ATR: variants seen among roughly 807,000 people sequenced by gnomAD.
The protein encoded by ATR is serine/threonine-protein kinase ATR.
ATR carries 142 observed loss-of-function variants against 305.3 expected under a neutral mutation model. The ratio of observed to expected loss-of-function variants is 0.47; its 90% CI spans 0.41 to 0.53. The LOEUF (loss-of-function observed/expected upper bound fraction) is 0.53, where lower values mean the gene tolerates loss of function less well. Ranked by LOEUF, ATR falls within the 20% of genes least tolerant of loss-of-function variation. ATR has a pLI of 0.00. For missense variants in ATR, 2,135 were observed against 3,133.1 expected (o/e 0.68, Z 7.60); for synonymous variants, 1,050 against 1,068.1 (o/e 0.98, Z 0.33).
At chr3:142,511,702 A>G (rs1463221943) in intron 27 of ATR, among the ~76,000 whole-genome samples, 1 of 152,106 alleles carries the variant, frequency 6.6e-6, no homozygotes, top group Non-Finnish European at 1.5e-5. Flanking sequence ...CCCATTTTAT[A>G]CAAAGAAAAA....
At chr3:142,508,750 C>T (rs955623382) in intron 27 of ATR, among the ~76,000 whole-genome samples, 7 of 151,742 alleles carry the variant, frequency 4.6e-5, no homozygotes, top group Admixed American at 1.3e-4. Context: ...GGTGAAACCC[C>T]GTCTCTACTA....
rs76265760 is a variant in ATR, at chr3:142,545,510, C to G, written c.3357+2215G>C. Among the ~76,000 whole-genome samples the G allele has an allele frequency of 7.2e-3, 1,101 of 152,176 alleles. 34 individuals are homozygous for G. The highest frequency in any genetic ancestry group is 0.051 in the East Asian group (262 of 5,178). On this transcript the variant is annotated intron_variant, in intron 16 of 46. Transcript: ENST00000350721. ...TGTGAGAGTAGAAAGGTAGGCAGAT[C>G]ATGTATGCCTTACAGATTTTATTTT...
chr3:142,530,909 T>C (rs1261704908), intron 21 of ATR, among the ~76,000 whole-genome samples: 1 of 152,224 alleles, frequency 6.6e-6, no homozygotes, highest in Non-Finnish European at 1.5e-5. Flanking sequence ...CTTAAGAGTA[T>C]GACTCTCTTT....
intron 16 of ATR, among the ~76,000 whole-genome samples, chr3:142,543,134 C>T (rs2034117518): frequency 6.6e-6 from 1 of 152,060 alleles, no homozygotes; most frequent in African/African-American, 2.4e-5. Flanking sequence ...AGGGACTGCC[C>T]TTATTCTATG....
chr3:142,530,760 C>A (rs2033607099), intron 21 of ATR, among the ~76,000 whole-genome samples: 1 of 151,844 alleles, frequency 6.6e-6, no homozygotes, highest in Non-Finnish European at 1.5e-5. Context: ...CTGAAGAGTG[C>A]CTCTCCTCTC....
intron 36 of ATR, among the ~76,000 whole-genome samples, chr3:142,478,022 G>C (rs1341280346): frequency 1.3e-5 from 2 of 151,820 alleles, no homozygotes; most frequent in African/African-American, 4.8e-5. Flanking sequence ...CAATTTTGTT[G>C]ATCTTTTCCA....
At chr3:142,540,400 T>C (rs566845852) in intron 18 of ATR, among the ~76,000 whole-genome samples, 1 of 152,278 alleles carries the variant, frequency 6.6e-6, no homozygotes, top group Non-Finnish European at 1.5e-5. Flanking sequence ...CAACATAATA[T>C]ATACAATGTC....
intron 3 of ATR, among the ~76,000 whole-genome samples, chr3:142,563,863 C>G (rs1336362774): frequency 6.6e-6 from 1 of 152,122 alleles, no homozygotes; most frequent in African/African-American, 2.4e-5. Context: ...CCACTGAACG[C>G]ACCATTGATG....
At chr3:142,516,984 A>AACAT (rs1553762994) in intron 24 of ATR, among the ~76,000 whole-genome samples, 1 of 139,130 alleles carries the variant, frequency 7.2e-6, no homozygotes, top group East Asian at 2.0e-4. Context: ...ATACCCAAAT[A>AACAT]ATATATATAT....
At position 142,451,085 on chromosome 3, in the gene ATR, A is replaced by G. The variant is rs532383040; in HGVS notation, c.7762-1483T>C. ...GGAAAATGGCCTGGCTGGTTTGTCT[A>G]CCTGGTCAATTGTGAAACAGCCCCT... On this transcript the variant is annotated intron_variant, in intron 46 of 46. Coordinates refer to ENST00000350721, the MANE Select transcript of ATR (RefSeq NM_001184.4). The G allele has an allele frequency of 2.3e-6, 3 of 1,279,758 alleles. No individual in the cohort carries two copies. The South Asian group carries it at 4.1e-5, about 18-fold the overall frequency. 79.3% of individuals were successfully genotyped at this position (1,279,758 alleles called of 1,614,324 possible). A position where few individuals can be genotyped will look rare whatever the true frequency, so the allele number is the denominator to read the frequency against.
At chr3:142,451,461 G>C (rs748430040) in intron 46 of ATR, 53 of 1,494,718 alleles carry the variant, frequency 3.5e-5, no homozygotes, top group Non-Finnish European at 4.7e-5. Context: ...AGGAGACTTT[G>C]GTCTGGCTTG....
At chr3:142,539,754 C>T (rs575366767) in intron 18 of ATR, among the ~76,000 whole-genome samples, 20 of 152,148 alleles carry the variant, frequency 1.3e-4, no homozygotes, top group African/African-American at 4.3e-4. Context: ...CAATCATGCC[C>T]GGCTAGCCAA....
intron 1 of ATR, among the ~76,000 whole-genome samples, chr3:142,572,372 CTTTTTTTTT>C (rs11318957): frequency 3.2e-4 from 18 of 56,808 alleles, no homozygotes; most frequent in Admixed American, 1.0e-3. Context: ...CCCGGCCTGA[CTTTTTTTTT>C]TTTTTTTTTT....
In ATR at chr3:142,547,740, T is replaced by C. The variant is rs1303699973; in HGVS notation, c.3342A>G (p.Ile1114Met). The C allele has an allele frequency of 2.5e-6, 4 of 1,613,724 alleles. No individual in the cohort carries two copies. The highest frequency in any genetic ancestry group is 3.4e-6 in the Non-Finnish European group (4 of 1,179,830). ...DDPYQGPRDI[I>M]SPELMADYLQ... ...TATTCCTTACCATCAGTTCAGGTGA[T>C]ATGATATCTCTCGGGCCCTGATATG... is the stretch of plus-strand genomic sequence containing the variant. The change falls in exon 16 of 47, where the codon ATA becomes ATG. Residue 1114 changes from isoleucine to methionine, a missense_variant. Ile to Met is a conservative substitution (Grantham distance 10). Coordinates refer to ENST00000350721, the MANE Select transcript of ATR (RefSeq NM_001184.4).
intron 35 of ATR, among the ~76,000 whole-genome samples, chr3:142,491,106 CA>C (rs113276412): frequency 3.4e-5 from 5 of 148,508 alleles, no homozygotes; most frequent in South Asian, 4.2e-4. Context: ...TTCATCACTC[CA>C]AAAAAAAAAT....
In ATR at chr3:142,505,247, T is replaced by C; in HGVS notation, c.5088A>G (p.Arg1696=). 6.2e-7 allele frequency: 1 copy of C among 1,614,166 alleles called. No homozygotes were observed. Among genetic ancestry groups the C allele is most frequent in the East Asian group, 2.2e-5 (1 of 44,876 alleles). ...GTTCTTTTAGAGATGGTTCTGCCTT[T>C]CTAATTGCACTGACTCCGGCCACTC... ...PDGVAGVSAI[R]KAEPSLKEQI... The change falls in exon 29 of 47, where the codon AGA becomes AGG. Residue 1696 remains arginine (R), a synonymous_variant. Coordinates refer to ENST00000350721, the MANE Select transcript of ATR (RefSeq NM_001184.4).
intron 36 of ATR, among the ~76,000 whole-genome samples, chr3:142,473,329 G>A (rs150898745): frequency 8.5e-5 from 13 of 152,078 alleles, no homozygotes. Flanking sequence ...ACATCCAGTT[G>A]TCCCAACACC....
chr3:142,541,407 A>G (rs2034048627), intron 17 of ATR, among the ~76,000 whole-genome samples: 1 of 152,202 alleles, frequency 6.6e-6, no homozygotes, highest in African/African-American at 2.4e-5. Context: ...AATTAAAATC[A>G]TTTAAATTTG....
intron 24 of ATR, among the ~76,000 whole-genome samples, chr3:142,517,087 A>G (rs1027009203): frequency 4.6e-5 from 7 of 151,172 alleles, no homozygotes; most frequent in African/African-American, 1.5e-4. Context: ...AAACCAGGAG[A>G]AAAAATTCAA....
Sources: gnomAD v4.1 joint callset for allele counts (sites outside exome capture counted in the v4.1 genomes callset) on GRCh38, gnomAD v4.1.1 for gene constraint, MANE v1.5 for transcripts, NCBI Gene and HGNC (gene_info 2026-07-23, HGNC 2026-07-21) for gene names.